Variants in DBR1 observed in about 807,000 individuals in gnomAD.
The protein encoded by DBR1 is debranching RNA lariats 1.
A neutral mutation model predicts 45.9 loss-of-function variants in DBR1; 33 were observed. The ratio of observed to expected loss-of-function variants is 0.72; its 90% CI spans 0.55 to 0.96. DBR1 has a LOEUF of 0.96. Among genes scored for constraint, DBR1 ranks in the 40% least tolerant of loss-of-function variants. The pLI is 0.00. For missense variants in DBR1, 619 were observed against 667.4 expected, an observed-to-expected ratio of 0.93 and a Z score of 0.80; for synonymous variants, 235 against 235.9, an observed-to-expected ratio of 1.00 and a Z score of 0.04.
chr3:138,162,730 G>T lies in DBR1; in HGVS notation c.942-148C>A, dbSNP rs568927931. 9 of 713,938 alleles carry T rather than the reference G, an allele frequency of 1.3e-5. No homozygotes were observed. The African/African-American group carries it at 1.4e-4, about 11-fold the overall frequency. 44.2% of individuals were successfully genotyped at this position (713,938 alleles called of 1,614,324 possible). A position where few individuals can be genotyped will look rare whatever the true frequency, so the allele number is the denominator to read the frequency against. Reference sequence around the variant, plus strand: ...TAAAGTTAGAGTTAATTTAGCAAAGGACCATTTAGAAAAAAAAATAATTCT... The same window carrying T: ...TAAAGTTAGAGTTAATTTAGCAAAGTACCATTTAGAAAAAAAAATAATTCT... On this transcript the variant is annotated intron_variant, in intron 7 of 7. Coordinates refer to ENST00000260803, the MANE Select transcript of DBR1 (RefSeq NM_016216.4).
In DBR1 at chr3:138,174,811, A is replaced by C. The variant is rs116327542; in HGVS notation, c.-16T>G. The C allele has an allele frequency of 6.2e-7, 1 of 1,606,702 alleles. No homozygotes were observed. The highest frequency in any genetic ancestry group is 1.3e-5 in the African/African-American group (1 of 74,940). On this transcript the variant is annotated 5_prime_UTR_variant, in exon 1 of 8. Transcript: ENST00000260803. ...CCACCCGCATTCTGCCGGCCTGAGG[A>C]GGTGAGCGCTGCCTGCAACGCCCTA...
intron 2 of DBR1, 101 bp downstream of exon 2, chr3:138,173,401 C>G: frequency 8.5e-7 from 1 of 1,176,024 alleles, no homozygotes; most frequent in South Asian, 1.5e-5. Flanking sequence ...TAATGACATT[C>G]TCCAAACACC....
At chr3:138,171,805 G>A in intron 2 of DBR1, 92 bp from the exon 3 acceptor site, 1 of 919,770 alleles carries the variant, frequency 1.1e-6, no homozygotes, top group East Asian at 2.4e-5. Context: ...ATTCCACACA[G>A]TTCTAAAATT....
At chr3:138,171,774 A>G in intron 2 of DBR1, 61 bp from the exon 3 acceptor site, 1 of 1,195,730 alleles carries the variant, frequency 8.4e-7, no homozygotes. Context: ...CCGACTGAAT[A>G]AACCATTCCA....
chr3:138,173,751 CTGGGGCT>C, intron 1 of DBR1, 125 bp from the exon 2 acceptor site: 2 of 1,104,386 alleles, frequency 1.8e-6, no homozygotes, highest in Non-Finnish European at 2.5e-6. Flanking sequence ...AAGGAATTGC[CTGGGGCT>C]GGGCGCGGTG....
At position 138,162,353 on chromosome 3, in the gene DBR1, G is replaced by A; in HGVS notation, c.1171C>T (p.His391Tyr). 1 of 1,614,124 alleles carries A rather than the reference G, an allele frequency of 6.2e-7. No individual in the cohort carries two copies. The highest frequency in any genetic ancestry group is 8.5e-7 in the Non-Finnish European group (1 of 1,180,026). ...VRLQKSKEEH[H>Y]VCGEYEEQDD... ...TGTTCTTCATATTCACCACACACAT[G>A]ATGTTCTTCCTTGGACTTCTGAAGC... Residue 391 changes from histidine (H) to tyrosine (Y), a missense_variant, in exon 8 of 8, where the codon CAT becomes TAT. His to Tyr is a moderately conservative substitution (Grantham distance 83). Around this residue, in one of 3 missense-constraint regions of DBR1, gnomAD observed 182 missense variants for 196.1 expected, o/e 0.93. Transcript: ENST00000260803.
intron 5 of DBR1, among the ~76,000 whole-genome samples, chr3:138,166,190 T>C (rs963171963): frequency 2.5e-4 from 38 of 152,228 alleles, no homozygotes; most frequent in African/African-American, 8.9e-4. Flanking sequence ...CAGCATTTTC[T>C]ACACAGTTTT....
chr3:138,164,316 A>T (rs2042920789), intron 5 of DBR1: 1 of 152,654 alleles, frequency 6.6e-6, no homozygotes, highest in African/African-American at 2.4e-5. Context: ...AGAATGAACT[A>T]TTACTCAGCA....
rs537887844 is a variant in DBR1 at position 138,171,460 on chromosome 3, A to G, written c.403+173T>C. ...ACTGCACTCCATCATGGACACCAAG[A>G]ACGAAACTCTGTCTCAAAAAAAAAA... On this transcript the variant is annotated intron_variant, in intron 3 of 7. Coordinates refer to ENST00000260803, the MANE Select transcript of DBR1 (RefSeq NM_016216.4). The G allele has an allele frequency of 2.6e-5, 13 of 507,372 alleles. 2 individuals are homozygous for G. In the South Asian group the frequency reaches 3.2e-4, roughly 12 times the overall value. 31.4% of individuals were successfully genotyped at this position (507,372 alleles called of 1,614,324 possible).
At chr3:138,163,289 G>A in intron 7 of DBR1, 60 bp downstream of exon 7, 1 of 1,549,688 alleles carries the variant, frequency 6.5e-7, no homozygotes, top group Non-Finnish European at 8.9e-7. Context: ...AACAAAGGTG[G>A]GAGATATAAA....
rs1314396666 is a variant in DBR1 at position 138,163,877 on chromosome 3, G to C, written c.715-19C>G. ...CCTTTGCCTGGACAATATGAATCATGATTTAAGAAAGAATGTTAAAACAAC... is the reference window on the plus strand; with the variant it reads ...CCTTTGCCTGGACAATATGAATCATCATTTAAGAAAGAATGTTAAAACAAC... On this transcript the variant is annotated intron_variant, in intron 5 of 7. Transcript: ENST00000260803. 6.3e-7 allele frequency: 1 copy of C among 1,581,128 alleles called. No individual in the cohort carries two copies. Among genetic ancestry groups the C allele is most frequent in the South Asian group, 1.1e-5 (1 of 90,134 alleles).
At chr3:138,167,993 A>G in intron 4 of DBR1, among the ~76,000 whole-genome samples, 1 of 152,126 alleles carries the variant, frequency 6.6e-6, no homozygotes, top group Non-Finnish European at 1.5e-5. Flanking sequence ...GAAGATCCAG[A>G]GACACTAGAT....
intron 6 of DBR1, 140 bp from the exon 7 acceptor site, chr3:138,163,634 T>A: frequency 4.2e-6 from 3 of 719,860 alleles, no homozygotes; most frequent in Non-Finnish European, 5.9e-6. Flanking sequence ...CATTTAATTT[T>A]AAATTAATAA....
At position 138,162,092 on chromosome 3, in the gene DBR1, A is replaced by G; in HGVS notation, c.1432T>C (p.Ser478Pro). 1 of 1,614,164 alleles carries G rather than the reference A, an allele frequency of 6.2e-7. No homozygotes were observed. The highest frequency in any genetic ancestry group is 8.5e-7 in the Non-Finnish European group (1 of 1,180,036). Residue 478 changes from serine (S) to proline (P), a missense_variant, in exon 8 of 8, where the codon TCT becomes CCT. This residue lies in a region of DBR1 where 182 missense variants were observed against 196.1 expected (regional missense o/e 0.93). Coordinates refer to ENST00000260803, the MANE Select transcript of DBR1 (RefSeq NM_016216.4). ...GTGGAATCCACCGTATCATCAGAAG[A>G]TACAATCATAGAGCCTGGCAAGATC... is the stretch of plus-strand genomic sequence containing the variant. ...VRILPGSMIV[S>P]SDDTVDSTID...
At chr3:138,168,054 G>T (rs973130741) in intron 4 of DBR1, among the ~76,000 whole-genome samples, 2 of 149,318 alleles carry the variant, frequency 1.3e-5, no homozygotes, top group African/African-American at 4.9e-5. Context: ...GATTTACCAG[G>T]AAAAAAAAAA....
intron 5 of DBR1, 81 bp from the exon 6 acceptor site, chr3:138,163,939 T>C (rs2042919179): frequency 9.7e-7 from 1 of 1,031,584 alleles, no homozygotes; most frequent in African/African-American, 1.6e-5. Context: ...AGGATGAAAA[T>C]AATCTTTATC....
intron 4 of DBR1, among the ~76,000 whole-genome samples, chr3:138,169,723 G>A (rs561838880): frequency 1.3e-5 from 2 of 152,218 alleles, no homozygotes; most frequent in South Asian, 4.2e-4. Flanking sequence ...CCTGAGGTCA[G>A]GAATTTGAGA....
chr3:138,169,386 T>C (rs2042944711), intron 4 of DBR1, among the ~76,000 whole-genome samples: 1 of 152,206 alleles, frequency 6.6e-6, no homozygotes, highest in Non-Finnish European at 1.5e-5. Context: ...TAAGCAGTGT[T>C]TCCATACCAC....
chr3:138,173,089 A>C (rs1324227696), intron 2 of DBR1, among the ~76,000 whole-genome samples: 3 of 143,954 alleles, frequency 2.1e-5, no homozygotes, highest in African/African-American at 8.3e-5. Flanking sequence ...TCTTCCCACA[A>C]AAAAAAAAAA....
Sources: allele counts gnomAD v4.1 joint callset (sites outside exome capture counted in the v4.1 genomes callset), GRCh38; gene constraint gnomAD v4.1.1; regional missense constraint gnomAD v4.1.1; transcripts MANE v1.5; gene names NCBI Gene and HGNC (gene_info 2026-07-23, HGNC 2026-07-21).